The following CERS6 variants were observed in gnomAD, a reference collection of about 807,000 sequenced individuals.
The protein encoded by CERS6 is ceramide synthase 6.
CERS6 carries 26 observed loss-of-function variants against 56.8 expected under a neutral mutation model. That is an observed-to-expected ratio of 0.46 (90% CI 0.34 to 0.63). The LOEUF is 0.63. CERS6 is among the 30% of genes least tolerant of loss of function. CERS6 has a pLI of 0.01. For synonymous variants in CERS6, 164 were observed against 173.3 expected, an observed-to-expected ratio of 0.95 and a Z score of 0.42; for missense variants, 415 against 467.5, an observed-to-expected ratio of 0.89 and a Z score of 1.04.
chr2:168,766,273 T>A (rs1332148264), intron 9 of CERS6: 1 of 1,574,214 alleles, frequency 6.4e-7, no homozygotes, highest in Admixed American at 1.7e-5. Context: ...GATCATTCTC[T>A]GTGACATTTT....
chr2:168,668,521 AC>A (rs930249630), intron 4 of CERS6, among the ~76,000 whole-genome samples: 1 of 146,162 alleles, frequency 6.8e-6, no homozygotes, highest in African/African-American at 2.6e-5. Context: ...ATCTGTACTC[AC>A]TGCAGCCTCT....
chr2:168,551,447 C>G (rs1362582062), intron 2 of CERS6, among the ~76,000 whole-genome samples: 1 of 152,152 alleles, frequency 6.6e-6, no homozygotes, highest in Non-Finnish European at 1.5e-5. Context: ...GTCATTGTGG[C>G]CTTGGGTGAG....
chr2:168,482,267 T>G (rs1336180004), intron 1 of CERS6, among the ~76,000 whole-genome samples: 1 of 152,256 alleles, frequency 6.6e-6, no homozygotes, highest in Non-Finnish European at 1.5e-5. Context: ...TCCCATTTAC[T>G]AGCTGGATTA....
At position 168,679,252 on chromosome 2, in the gene CERS6, T is replaced by C. The variant is rs137902230; in HGVS notation, c.466-11782T>C. 2.0e-5 allele frequency among the ~76,000 whole-genome samples: 3 copies of C among 152,270 alleles called. No homozygotes were observed. The East Asian group carries it at 5.8e-4, about 29-fold the overall frequency. On this transcript the variant is annotated intron_variant, in intron 4 of 9. Coordinates refer to ENST00000305747, the MANE Select transcript of CERS6 (RefSeq NM_203463.3). ...GGGGGGAATAAGTTCTGGGGCTCTA[T>C]TGCAAAATAGGGCAACTATGCTTAA... is the stretch of plus-strand genomic sequence containing the variant.
intron 2 of CERS6, among the ~76,000 whole-genome samples, chr2:168,549,071 T>C (rs1401359160): frequency 6.6e-6 from 1 of 152,152 alleles, no homozygotes; most frequent in Non-Finnish European, 1.5e-5. Context: ...TAGGGACTTC[T>C]CAGGTTCATT....
chr2:168,727,547 CA>C (rs1210219437), intron 8 of CERS6, among the ~76,000 whole-genome samples: 4,383 of 87,432 alleles, frequency 0.05, 69 homozygotes, highest in African/African-American at 0.09. Context: ...GACTCCATCT[CA>C]AAAAAAAAAA....
intron 4 of CERS6, among the ~76,000 whole-genome samples, chr2:168,636,982 G>A (rs958198840): frequency 2.0e-5 from 3 of 152,114 alleles, no homozygotes; most frequent in African/African-American, 7.2e-5. Context: ...GGATTTAATT[G>A]CTTCGTCTCT....
chr2:168,531,415 A>T (rs1391931202), intron 1 of CERS6, among the ~76,000 whole-genome samples: 2 of 152,344 alleles, frequency 1.3e-5, no homozygotes, highest in East Asian at 3.9e-4. Flanking sequence ...TCTAGAGAAA[A>T]ATCTGGCTTG....
intron 1 of CERS6, among the ~76,000 whole-genome samples, chr2:168,535,245 C>T (rs1227423461): frequency 6.6e-6 from 1 of 152,230 alleles, no homozygotes; most frequent in Non-Finnish European, 1.5e-5. Flanking sequence ...ACCCTTCCCC[C>T]TGGGAGCTCA....
intron 1 of CERS6, among the ~76,000 whole-genome samples, chr2:168,542,748 G>A (rs1695395105): frequency 6.6e-6 from 1 of 152,138 alleles, no homozygotes; most frequent in Non-Finnish European, 1.5e-5. Context: ...CAAGGCTGGA[G>A]TGCAGTGGCA....
In CERS6 at chr2:168,675,750, G is replaced by A. The variant is rs537910877; in HGVS notation, c.466-15284G>A. On this transcript the variant is annotated intron_variant, in intron 4 of 9. Transcript: ENST00000305747. ...TTGCCAGGCTGGAGTGCAGTGGTGC[G>A]ATCTCAGCTCACTGCAACCTCCACC... 8.6e-5 allele frequency among the ~76,000 whole-genome samples: 13 copies of A among 151,680 alleles called. No homozygotes were observed. In the South Asian group the frequency reaches 2.1e-3, roughly 24 times the overall value.
intron 2 of CERS6, among the ~76,000 whole-genome samples, chr2:168,554,896 T>TA (rs1397259479): frequency 6.6e-6 from 1 of 152,184 alleles, no homozygotes; most frequent in Non-Finnish European, 1.5e-5. Context: ...ATAAAATAGT[T>TA]ATGAATCATA....
At chr2:168,685,899 GAGAGTT>G (rs1686336372) in intron 4 of CERS6, among the ~76,000 whole-genome samples, 1 of 151,770 alleles carries the variant, frequency 6.6e-6, no homozygotes, top group South Asian at 2.1e-4. Context: ...CTTAGATTGA[GAGAGTT>G]AGAGGTAATT....
chr2:168,731,324 CTG>C (rs748731806), intron 8 of CERS6, among the ~76,000 whole-genome samples: 1 of 152,112 alleles, frequency 6.6e-6, no homozygotes, highest in Non-Finnish European at 1.5e-5. Context: ...CAGCACAAGA[CTG>C]TGAACCATCA....
At chr2:168,661,937 A>T (rs113942798) in intron 4 of CERS6, among the ~76,000 whole-genome samples, 1 of 152,230 alleles carries the variant, frequency 6.6e-6, no homozygotes, top group Non-Finnish European at 1.5e-5. Context: ...TTTTTAGACA[A>T]TTTATACCAA....
At chr2:168,628,752 T>C (rs1258397318) in intron 3 of CERS6, among the ~76,000 whole-genome samples, 2 of 152,210 alleles carry the variant, frequency 1.3e-5, no homozygotes, top group African/African-American at 4.8e-5. Context: ...AGATGAAGAT[T>C]TCCCTACTTC....
intron 3 of CERS6, among the ~76,000 whole-genome samples, chr2:168,614,701 T>G (rs150112587): frequency 1.3e-5 from 2 of 152,062 alleles, no homozygotes; most frequent in Admixed American, 1.3e-4. Flanking sequence ...CCATCCCCCA[T>G]AGCAGCTGCA....
intron 8 of CERS6, among the ~76,000 whole-genome samples, chr2:168,747,218 G>A (rs923185959): frequency 3.0e-4 from 45 of 151,990 alleles, no homozygotes; most frequent in African/African-American, 1.0e-3. Context: ...CCCAGGAGGT[G>A]GAGGATTCAG....
chr2:168,470,326 T>C (rs1693953416), intron 1 of CERS6, among the ~76,000 whole-genome samples: 1 of 151,506 alleles, frequency 6.6e-6, no homozygotes, highest in Admixed American at 6.6e-5. Context: ...CAGGCTGCAA[T>C]GAACTATGAT....
Sources: gnomAD v4.1 joint callset for allele counts (sites outside exome capture counted in the v4.1 genomes callset) on GRCh38, gnomAD v4.1.1 for gene constraint, MANE v1.5 for transcripts, NCBI Gene and HGNC (gene_info 2026-07-23, HGNC 2026-07-21) for gene names.